RYR3: variants seen among roughly 807,000 people sequenced by gnomAD.
RYR3 encodes brain ryanodine receptor-calcium release channel.
A neutral mutation model predicts 584.3 loss-of-function variants in RYR3; 207 were observed. That is an observed-to-expected ratio of 0.35 (90% CI 0.32 to 0.40). The LOEUF is 0.40. Among genes scored for constraint, RYR3 ranks in the 10% least tolerant of loss-of-function variants. RYR3 has a pLI of 1.00. For synonymous variants in RYR3, 2,416 were observed against 2,248.5 expected, an observed-to-expected ratio of 1.07 and a Z score of -2.11; for missense variants, 5,616 against 6,089.2, an observed-to-expected ratio of 0.92 and a Z score of 2.59.
At chr15:33,354,395 C>T (rs112547665) in intron 1 of RYR3, among the ~76,000 whole-genome samples, 4 of 152,328 alleles carry the variant, frequency 2.6e-5, no homozygotes, top group South Asian at 2.1e-4. Context: ...CTGCAAACTG[C>T]ACACACAAGT....
intron 1 of RYR3, among the ~76,000 whole-genome samples, chr15:33,406,752 C>T (rs774355441): frequency 6.6e-6 from 1 of 152,096 alleles, no homozygotes. Context: ...CTATCCCAGG[C>T]CATTTCATTG....
intron 1 of RYR3, among the ~76,000 whole-genome samples, chr15:33,381,699 G>A (rs889478138): frequency 6.6e-6 from 1 of 152,114 alleles, no homozygotes; most frequent in African/African-American, 2.4e-5. Flanking sequence ...TCTGCAAGAC[G>A]CATGGCTGAC....
intron 81 of RYR3, among the ~76,000 whole-genome samples, chr15:33,825,155 A>G (rs1184233534): frequency 2.6e-5 from 4 of 152,204 alleles, no homozygotes; most frequent in African/African-American, 9.6e-5. Context: ...AGCTCTGGAA[A>G]CCACAATTCC....
intron 33 of RYR3, among the ~76,000 whole-genome samples, 153 bp downstream of exon 33, chr15:33,659,959 A>G (rs2063054323): frequency 6.6e-6 from 1 of 152,120 alleles, no homozygotes; most frequent in Non-Finnish European, 1.5e-5. Flanking sequence ...TGGCATTCAG[A>G]TGGTAGAATA....
intron 1 of RYR3, among the ~76,000 whole-genome samples, chr15:33,440,056 G>A (rs146948668): frequency 1.3e-5 from 2 of 152,350 alleles, no homozygotes; most frequent in African/African-American, 4.8e-5. Flanking sequence ...GGGAGGCCAA[G>A]CTGGTAGGAT....
chr15:33,664,587 G>GTATATATATATATATATATATATA (rs879709155), intron 36 of RYR3, among the ~76,000 whole-genome samples: 1 of 42,624 alleles, frequency 2.3e-5, no homozygotes, highest in African/African-American at 7.4e-5. Context: ...GTGTGTGTGT[G>GTATATATATATATATATATATATA]TGTATATATA....
At chr15:33,496,353 G>A (rs2051423323) in intron 2 of RYR3, among the ~76,000 whole-genome samples, 1 of 152,120 alleles carries the variant, frequency 6.6e-6, no homozygotes, top group African/African-American at 2.4e-5. Flanking sequence ...CTAGAGCCAC[G>A]ACAGTGAACA....
rs149107665 is a variant in RYR3 at position 33,537,168 on chromosome 15, GT to G, written c.434-2175del. On this transcript the variant is annotated intron_variant, in intron 5 of 103. Transcript: ENST00000634891. ...AATAACTGCCTTATTTGTTTGCTTA[GT>G]TTTTTTGTGACCCAATCATGTATTC... Among the ~76,000 whole-genome samples, 44 of 152,212 alleles carry G rather than the reference GT, an allele frequency of 2.9e-4. 1 individual carries two copies. The highest frequency in any genetic ancestry group is 1.2e-3 in the South Asian group (6 of 4,822).
Position 33,314,151 on chromosome 15 carries a change from T to C in RYR3, c.51+3055T>C, listed in dbSNP as rs1018750300. Among the ~76,000 whole-genome samples the C allele has an allele frequency of 5.9e-5, 9 of 152,320 alleles. No individual in the cohort carries two copies. The East Asian group carries it at 1.7e-3, about 29-fold the overall frequency. ...TGTACCCCAAGCCTTAAGGAGGCAG[T>C]CTAAAACTATATACCCTCTTCTGGC... is the stretch of plus-strand genomic sequence containing the variant. On this transcript the variant is annotated intron_variant, in intron 1 of 103. Transcript: ENST00000634891.
intron 36 of RYR3, among the ~76,000 whole-genome samples, chr15:33,667,247 G>C (rs1484009026): frequency 6.6e-6 from 1 of 152,196 alleles, no homozygotes. Context: ...TCCTGGCTGA[G>C]GCAGCAAAAT....
chr15:33,609,298 G>T (rs56391517), intron 18 of RYR3, among the ~76,000 whole-genome samples: 12,608 of 152,260 alleles, frequency 0.083, 895 homozygotes, highest in African/African-American at 0.18. Context: ...GCTGGGTGTG[G>T]TAGCTCAAAC....
chr15:33,686,856 G>A (rs902469957), intron 38 of RYR3, among the ~76,000 whole-genome samples: 70 of 152,272 alleles, frequency 4.6e-4, no homozygotes, highest in Admixed American at 2.3e-3. Context: ...AAAAGCCTTC[G>A]ACAAAATTCA....
At chr15:33,449,054 TG>T (rs1205406731) in intron 1 of RYR3, among the ~76,000 whole-genome samples, 2 of 152,224 alleles carry the variant, frequency 1.3e-5, no homozygotes, top group Non-Finnish European at 2.9e-5. Flanking sequence ...AATTGTCTAT[TG>T]CTGAGTGGCA....
intron 97 of RYR3, 58 bp from the exon 98 acceptor site, chr15:33,854,708 T>C: frequency 6.5e-7 from 1 of 1,543,012 alleles, no homozygotes; most frequent in South Asian, 1.3e-5. Context: ...AAAAATGTTT[T>C]ATAATGAGCA....
intron 23 of RYR3, 145 bp from the exon 24 acceptor site, chr15:33,632,804 T>C: frequency 8.1e-6 from 5 of 619,874 alleles, no homozygotes; most frequent in Non-Finnish European, 1.1e-5. Context: ...GAAACAGAGC[T>C]GAGCTATTTG....
intron 1 of RYR3, among the ~76,000 whole-genome samples, chr15:33,453,936 A>C (rs2047339325): frequency 6.6e-6 from 1 of 152,164 alleles, no homozygotes; most frequent in Non-Finnish European, 1.5e-5. Flanking sequence ...CCAGCGGGTA[A>C]ATGATTGACT....
intron 40 of RYR3, among the ~76,000 whole-genome samples, chr15:33,698,919 G>A (rs1464920705): frequency 6.6e-6 from 1 of 152,124 alleles, no homozygotes; most frequent in East Asian, 1.9e-4. Context: ...CATTTATTGA[G>A]CACTGTAGGA....
At chr15:33,716,324 C>T (rs1052709177) in intron 43 of RYR3, among the ~76,000 whole-genome samples, 3 of 152,102 alleles carry the variant, frequency 2.0e-5, no homozygotes, top group Non-Finnish European at 2.9e-5. Flanking sequence ...ACATAAATTT[C>T]GGAGGAGGCA....
chr15:33,361,870 A>G (rs769043373), intron 1 of RYR3, among the ~76,000 whole-genome samples: 2 of 152,206 alleles, frequency 1.3e-5, no homozygotes, highest in African/African-American at 4.8e-5. Flanking sequence ...ATTTTTAGCA[A>G]TTCTTGGATG....
Sources: gnomAD v4.1 joint callset for allele counts (sites outside exome capture counted in the v4.1 genomes callset) on GRCh38, gnomAD v4.1.1 for gene constraint, MANE v1.5 for transcripts, NCBI Gene and HGNC (gene_info 2026-07-23, HGNC 2026-07-21) for gene names.